TRAK1: variants seen among roughly 807,000 people sequenced by gnomAD.
TRAK1 encodes trafficking kinesin-binding protein 1.
Under a neutral mutation model 92.1 loss-of-function variants are expected in TRAK1, and 33 were observed. The observed-to-expected ratio is 0.36, with a 90% confidence interval of 0.27 to 0.48. TRAK1 has a LOEUF of 0.48. Among genes scored for constraint, TRAK1 ranks in the 20% least tolerant of loss-of-function variants. The probability of loss-of-function intolerance (pLI) is 0.99; values close to 1 mark genes in which losing one functional copy is unlikely to be tolerated. For missense variants in TRAK1, 1,123 were observed against 1,257.9 expected, an observed-to-expected ratio of 0.89 and a Z score of 1.62; for synonymous variants, 521 against 517.3, an observed-to-expected ratio of 1.01 and a Z score of -0.10.
chr3:42,167,670 G>A (rs1376058158), intron 2 of TRAK1, among the ~76,000 whole-genome samples: 1 of 152,178 alleles, frequency 6.6e-6, no homozygotes, highest in Non-Finnish European at 1.5e-5. Context: ...CACGAGGTCA[G>A]GAGATCGAGA....
Position 42,091,390 on chromosome 3 carries a change from T to C in TRAK1, c.-80T>C. 7.8e-7 allele frequency: 1 copy of C among 1,280,658 alleles called. No homozygotes were observed. The highest frequency in any genetic ancestry group is 1.1e-6 in the Non-Finnish European group (1 of 902,902). 79.3% of individuals were successfully genotyped at this position (1,280,658 alleles called of 1,614,324 possible). A position where few individuals can be genotyped will look rare whatever the true frequency, so the allele number is the denominator to read the frequency against. ...GCTGAGGAAGGCACGGGAGGGTGGC[T>C]GTGCGAGGTACTGCCGGGGCTGAGC... is the stretch of plus-strand genomic sequence containing the variant. On this transcript the variant is annotated 5_prime_UTR_variant, in exon 1 of 16. Transcript: ENST00000327628.
intron 1 of TRAK1, among the ~76,000 whole-genome samples, chr3:42,121,781 T>G (rs1309544304): frequency 6.6e-6 from 1 of 152,074 alleles, no homozygotes; most frequent in African/African-American, 2.4e-5. Flanking sequence ...GCTGCTAATG[T>G]TTATAAGGCT....
chr3:42,052,182 G>GTCA (rs554916373), intron 1 of TRAK1, among the ~76,000 whole-genome samples: 145 of 152,238 alleles, frequency 9.5e-4, no homozygotes, highest in Non-Finnish European at 1.7e-3. Context: ...AGTCCATTGT[G>GTCA]TCATATCTTA....
At chr3:42,099,031 TG>T (rs1208323546) in intron 1 of TRAK1, among the ~76,000 whole-genome samples, 2 of 111,126 alleles carry the variant, frequency 1.8e-5, no homozygotes, top group African/African-American at 7.1e-5. Flanking sequence ...GGGAGAGCTG[TG>T]GGGGAAGGGG....
intron 1 of TRAK1, among the ~76,000 whole-genome samples, chr3:42,038,794 A>C (rs1166839159): frequency 7.4e-5 from 11 of 148,172 alleles, no homozygotes; most frequent in African/African-American, 2.8e-4. Context: ...TCTCAAAAAA[A>C]AAAAAAAAGT....
chr3:42,063,999 G>T (rs1344585053), intron 1 of TRAK1, among the ~76,000 whole-genome samples: 1 of 152,174 alleles, frequency 6.6e-6, no homozygotes, highest in Non-Finnish European at 1.5e-5. Flanking sequence ...AGAAGCCCTG[G>T]TGGCCATGTG....
At chr3:42,013,790 G>C (rs1283801217), upstream of TRAK1, 1 of 149,626 alleles carries the variant, frequency 6.7e-6, no homozygotes, top group Non-Finnish European at 1.5e-5. This position sits in a 1 kb window ranked among gnomAD's most constrained non-coding sequence, Gnocchi z 5.1. Flanking sequence ...CGCCTCAAGC[G>C]AGGCGTCCCC....
At position 42,149,553 on chromosome 3, in the gene TRAK1, A is replaced by G. The variant is rs376792946; in HGVS notation, c.286+23939A>G. 2.8e-4 allele frequency: 423 copies of G among 1,536,066 alleles called. 5 individuals are homozygous for G. In the East Asian group the frequency reaches 5.0e-3, roughly 18 times the overall value. On this transcript the variant is annotated intron_variant, in intron 2 of 15. Transcript: ENST00000327628. ...TACTGACTATGCAGAAATTTATCGA[A>G]GCGGATTATTATGAACTAGACTGGT...
At chr3:42,067,729 G>A (rs1028986132) in intron 1 of TRAK1, among the ~76,000 whole-genome samples, 1 of 152,078 alleles carries the variant, frequency 6.6e-6, no homozygotes, top group African/African-American at 2.4e-5. Flanking sequence ...TTCCTAATGC[G>A]ACAGTTGGTT....
intron 2 of TRAK1, among the ~76,000 whole-genome samples, chr3:42,175,941 T>C (rs1475034077): frequency 6.6e-6 from 1 of 152,230 alleles, no homozygotes; most frequent in Non-Finnish European, 1.5e-5. Context: ...AATCCATTTA[T>C]ATTCACTCCT....
At chr3:42,093,649 C>CCGCTTCCCTTCCCTTCCCTTCCCTT (rs1705432014) in intron 1 of TRAK1, among the ~76,000 whole-genome samples, 1 of 40,600 alleles carries the variant, frequency 2.5e-5, no homozygotes, top group Non-Finnish European at 4.6e-5. Context: ...TCTTTTTTCT[C>CCGCTTCCCTTCCCTTCCCTTCCCTT]CCCTTCCCTT....
intron 1 of TRAK1, among the ~76,000 whole-genome samples, chr3:42,077,771 A>G (rs1420692888): frequency 1.3e-5 from 2 of 152,222 alleles, no homozygotes; most frequent in African/African-American, 4.8e-5. Flanking sequence ...GCGTATAGAA[A>G]TGATACTGAT....
chr3:42,094,757 G>C (rs917819869), intron 1 of TRAK1, among the ~76,000 whole-genome samples: 3 of 152,210 alleles, frequency 2.0e-5, no homozygotes, highest in African/African-American at 7.2e-5. Flanking sequence ...GAGCCAATAG[G>C]AGAAACATAT....
At position 42,026,651 on chromosome 3, in the gene TRAK1, A is replaced by T. The variant is rs565109867; in HGVS notation, c.-519+12534A>T. On this transcript the variant is annotated intron_variant, in intron 1 of 16. Transcript: ENST00000487159. ...GTGATTCTCCTGCCTCAGCCTCCCG[A>T]GTAGCTGAGACTACAGGCACGTGCC... 7.3e-4 allele frequency among the ~76,000 whole-genome samples: 110 copies of T among 151,612 alleles called. 1 individual carries two copies. Among genetic ancestry groups the T allele is most frequent in the Non-Finnish European group, 1.3e-3 (85 of 67,932 alleles).
Position 42,056,184 on chromosome 3 carries a change from C to A in TRAK1, c.-518-30920C>A, listed in dbSNP as rs140748072. ...TTATTGTGGACATTTGTTTTCATTT[C>A]TTTATGTTGATACCTATGAGAGGAA... On this transcript the variant is annotated intron_variant, in intron 1 of 16. Coordinates refer to the TRAK1 transcript ENST00000487159. Among the ~76,000 whole-genome samples, 1,287 of 152,036 alleles carry A rather than the reference C, an allele frequency of 8.5e-3. 67 individuals carry two copies. The highest frequency in any genetic ancestry group is 0.075 in the Admixed American group (1,142 of 15,274).
At chr3:42,072,310 G>A (rs748417866) in intron 1 of TRAK1, among the ~76,000 whole-genome samples, 6 of 152,082 alleles carry the variant, frequency 3.9e-5, no homozygotes, top group Non-Finnish European at 4.4e-5. Flanking sequence ...GGTCTTTCAG[G>A]TGGTGCATCT....
chr3:42,216,432 A>G (rs990005962), intron 14 of TRAK1, among the ~76,000 whole-genome samples: 3 of 152,186 alleles, frequency 2.0e-5, no homozygotes, highest in Non-Finnish European at 4.4e-5. Context: ...CTCCAGGCAG[A>G]AGGCTCACCA....
rs1408109207 is a variant in TRAK1, at chr3:42,223,758, G to A, written c.*21G>A. 2.5e-6 allele frequency: 4 copies of A among 1,578,072 alleles called. No individual in the cohort carries two copies. The Admixed American group carries it at 5.2e-5, about 20-fold the overall frequency. On this transcript the variant is annotated 3_prime_UTR_variant, in exon 16 of 16. Transcript: ENST00000327628. The surrounding 1 kb of genome is among the most constrained non-coding windows in gnomAD (Gnocchi z 6.1). Reference sequence around the variant, plus strand: ...GGTGAGGACTGGAGGGGGGCCGGTTGCCCTAGAGGAGACCCACGTTCTCCT... The same window carrying A: ...GGTGAGGACTGGAGGGGGGCCGGTTACCCTAGAGGAGACCCACGTTCTCCT...
intron 2 of TRAK1, among the ~76,000 whole-genome samples, chr3:42,130,943 G>A (rs915585064): frequency 7.9e-5 from 12 of 152,078 alleles, no homozygotes; most frequent in Non-Finnish European, 1.3e-4. Context: ...CTAGAGTTGT[G>A]TCCATAAAGT....
Sources: allele counts gnomAD v4.1 joint callset (sites outside exome capture counted in the v4.1 genomes callset), GRCh38; gene constraint gnomAD v4.1.1; non-coding constraint Gnocchi (gnomAD v3.1); transcripts MANE v1.5; gene names NCBI Gene and HGNC (gene_info 2026-07-23, HGNC 2026-07-21).